The following RCN3 variants were observed in gnomAD, a reference collection of about 807,000 sequenced individuals.
RCN3 encodes reticulocalbin 3.
RCN3 carries 41 observed loss-of-function variants against 35.9 expected under a neutral mutation model. That is an observed-to-expected ratio of 1.14 (90% CI 0.89 to 1.48). RCN3 has a LOEUF of 1.48. RCN3 is among the 40% of genes most tolerant of loss of function. The pLI is 0.00. For synonymous variants in RCN3, 187 were observed against 193.4 expected (o/e 0.97, Z 0.27); for missense variants, 451 against 471.3 (o/e 0.96, Z 0.40).
chr19:49,531,957 C>G (rs560272698), intron 2 of RCN3, among the ~76,000 whole-genome samples: 2 of 151,028 alleles, frequency 1.3e-5, no homozygotes, highest in African/African-American at 2.4e-5. Flanking sequence ...CCCACCACCA[C>G]GCCCAGCTAA....
At chr19:49,542,925 G>GACAGAGACCCAGAGAGAGAGGGGA in intron 6 of RCN3, among the ~76,000 whole-genome samples, 173 bp downstream of exon 6, 2 of 151,960 alleles carry the variant, frequency 1.3e-5, no homozygotes, top group East Asian at 3.9e-4. Context: ...AAGAGAGGGG[G>GACAGAGACCCAGAGAGAGAGGGGA]ACAGAGACCC....
At chr19:49,529,272 C>T (rs189920689) in intron 2 of RCN3, among the ~76,000 whole-genome samples, 21 of 152,242 alleles carry the variant, frequency 1.4e-4, no homozygotes, top group Non-Finnish European at 1.6e-4. Flanking sequence ...TTCTTTTGTC[C>T]CAGACATCTC....
At chr19:49,528,267 G>A (rs2080091214) in intron 1 of RCN3, 200 bp from the exon 2 acceptor site, 1 of 489,478 alleles carries the variant, frequency 2.0e-6, no homozygotes, top group Non-Finnish European at 3.6e-6. Flanking sequence ...CAGAAGATTC[G>A]GTCCTCCCCA....
At chr19:49,539,631 C>G (rs568523226) in intron 5 of RCN3, among the ~76,000 whole-genome samples, 29 of 152,150 alleles carry the variant, frequency 1.9e-4, no homozygotes, top group Non-Finnish European at 2.9e-4. Context: ...CACAATACCC[C>G]CTGAGTTCTG....
rs1359012758 is a variant in RCN3 at position 49,528,692 on chromosome 19, G to A, written c.220G>A (p.Glu74Lys). ...VAKEFDQLTP[E>K]ESQARLGRIV... ...CAAGGAATTCGACCAACTCACCCCA[G>A]AGGAAAGCCAGGCCCGTCTGGGGTA... Residue 74 changes from glutamate to lysine, a missense_variant, in exon 2 of 7, where the codon GAG (glutamate) becomes AAG (lysine). Physicochemically the swap from Glu to Lys is moderately conservative, Grantham distance 56. Transcript: ENST00000270645. 2 of 1,601,464 alleles carry A rather than the reference G, an allele frequency of 1.2e-6. No homozygotes were observed. Among genetic ancestry groups the A allele is most frequent in the Non-Finnish European group, 1.7e-6 (2 of 1,173,802 alleles).
intron 5 of RCN3, among the ~76,000 whole-genome samples, chr19:49,539,957 A>G (rs918932659): frequency 1.3e-5 from 2 of 152,108 alleles, no homozygotes; most frequent in Admixed American, 6.6e-5. Flanking sequence ...TCCCAACCTC[A>G]GGTGATCTGC....
chr19:49,537,497 C>T (rs1048530697), intron 4 of RCN3, among the ~76,000 whole-genome samples: 2 of 151,434 alleles, frequency 1.3e-5, no homozygotes, highest in Admixed American at 6.6e-5. Flanking sequence ...CCACCTTATA[C>T]AATTTCTTTT....
intron 2 of RCN3, among the ~76,000 whole-genome samples, chr19:49,529,406 TG>T (rs1206173102): frequency 2.0e-5 from 3 of 152,178 alleles, no homozygotes; most frequent in Non-Finnish European, 2.9e-5. Context: ...CAGGGTGAGC[TG>T]GGTGGAATGG....
At chr19:49,541,831 T>C (rs2080164106) in intron 5 of RCN3, among the ~76,000 whole-genome samples, 2 of 151,502 alleles carry the variant, frequency 1.3e-5, no homozygotes, top group Admixed American at 1.3e-4. Context: ...AATATAAAAA[T>C]TAGCTGGGTG....
At chr19:49,537,516 T>C (rs1469334591) in intron 4 of RCN3, among the ~76,000 whole-genome samples, 4 of 151,974 alleles carry the variant, frequency 2.6e-5, no homozygotes, top group Non-Finnish European at 5.9e-5. Context: ...TTCTTTCTTT[T>C]TTTTTTTTGA....
At chr19:49,539,599 A>G (rs549888617) in intron 5 of RCN3, among the ~76,000 whole-genome samples, 2 of 123,624 alleles carry the variant, frequency 1.6e-5, no homozygotes, top group South Asian at 5.0e-4. Flanking sequence ...GTTTCCTGTT[A>G]CATGGGATGT....
At chr19:49,543,071 G>T (rs7252910) in intron 6 of RCN3, 35 bp from the exon 7 acceptor site, 1 of 1,552,502 alleles carries the variant, frequency 6.4e-7, no homozygotes, top group Non-Finnish European at 8.9e-7. Flanking sequence ...AAGCAGGGCC[G>T]TGTTGTCCCC....
chr19:49,530,863 C>T (rs1267759459), intron 2 of RCN3, among the ~76,000 whole-genome samples: 1 of 152,108 alleles, frequency 6.6e-6, no homozygotes, highest in Non-Finnish European at 1.5e-5. Flanking sequence ...GGTATTTGAG[C>T]CATGTGGGTA....
intron 2 of RCN3, among the ~76,000 whole-genome samples, chr19:49,530,613 C>T (rs1260189495): frequency 1.3e-5 from 2 of 151,486 alleles, no homozygotes; most frequent in Non-Finnish European, 2.9e-5. Context: ...TCTCCTGCCT[C>T]AGCCTTCCGA....
At chr19:49,539,047 A>G in intron 4 of RCN3, 72 bp from the exon 5 acceptor site, 1 of 1,122,970 alleles carries the variant, frequency 8.9e-7, no homozygotes, top group Non-Finnish European at 1.3e-6. Context: ...TCTCACTCTT[A>G]CCCCAGGGGT....
intron 6 of RCN3, 80 bp from the exon 7 acceptor site, chr19:49,543,026 T>TTCG: frequency 8.3e-7 from 1 of 1,208,656 alleles, no homozygotes; most frequent in South Asian, 1.2e-5. Flanking sequence ...TCCCAGAGAC[T>TTCG]TCGGGACACG....
chr19:49,529,740 TTTTATTTATTTATTTA>T (rs57928834), intron 2 of RCN3, among the ~76,000 whole-genome samples: 4 of 150,924 alleles, frequency 2.7e-5, no homozygotes, highest in Admixed American at 2.6e-4. Context: ...GAGTTGCAAT[TTTTATTTATTTATTTA>T]TTTATTTATT....
At chr19:49,538,329 ATTTT>A (rs759783862) in intron 4 of RCN3, among the ~76,000 whole-genome samples, 1 of 137,410 alleles carries the variant, frequency 7.3e-6, no homozygotes. Context: ...TGCCCGGCTA[ATTTT>A]TTTTTTTTTT....
Position 49,543,313 on chromosome 19 carries a change from A to G in RCN3, c.*100A>G. ...CCTGTCCAGGCCCCGCAGGAGGCAG[A>G]TGCAGTCCCAGGCATCCTCCTGCCC... On this transcript the variant is annotated 3_prime_UTR_variant, in exon 7 of 7. Coordinates refer to ENST00000270645, the MANE Select transcript of RCN3 (RefSeq NM_020650.3). 2.1e-6 allele frequency: 2 copies of G among 965,466 alleles called. No individual in the cohort carries two copies. The highest frequency in any genetic ancestry group is 3.2e-6 in the Non-Finnish European group (2 of 618,470). The allele number at this position is 965,466 out of a possible 1,614,324, so 59.8% of individuals were successfully genotyped here. A position where few individuals can be genotyped will look rare whatever the true frequency, so the allele number is the denominator to read the frequency against.
Sources: gnomAD v4.1 joint callset for allele counts (sites outside exome capture counted in the v4.1 genomes callset) on GRCh38, gnomAD v4.1.1 for gene constraint, MANE v1.5 for transcripts, NCBI Gene and HGNC (gene_info 2026-07-23, HGNC 2026-07-21) for gene names.